Variants in KAZN observed in about 807,000 individuals in gnomAD.
The protein encoded by KAZN is kazrin, periplakin interacting protein, also known as kazrin.
Under a neutral mutation model 87.4 loss-of-function variants are expected in KAZN, and 40 were observed. That is an observed-to-expected ratio of 0.46 (90% CI 0.36 to 0.60). The LOEUF (loss-of-function observed/expected upper bound fraction) is 0.60. Among genes scored for constraint, KAZN ranks in the 20% least tolerant of loss-of-function variants. The pLI is 0.00. For missense variants in KAZN, 898 were observed against 1,073.9 expected, an observed-to-expected ratio of 0.84 and a Z score of 2.29; for synonymous variants, 466 against 458.3, an observed-to-expected ratio of 1.02 and a Z score of -0.22.
At chr1:14,874,926 A>T (rs897920757) in intron 1 of KAZN, among the ~76,000 whole-genome samples, 1 of 152,076 alleles carries the variant, frequency 6.6e-6, no homozygotes, top group Non-Finnish European at 1.5e-5. Context: ...GCTTTGCCAA[A>T]TCTCCCTTCC....
At chr1:14,182,630 G>T (rs1449207857) in intron 2 of KAZN, among the ~76,000 whole-genome samples, 13 of 152,132 alleles carry the variant, frequency 8.5e-5, no homozygotes, top group Admixed American at 8.5e-4. Context: ...CCAACGTTTT[G>T]GGGATGGCCA....
At chr1:15,058,235 C>T (rs1399652741) in intron 5 of KAZN, among the ~76,000 whole-genome samples, 1 of 152,248 alleles carries the variant, frequency 6.6e-6, no homozygotes, top group Admixed American at 6.5e-5. Context: ...GTACCACTGG[C>T]ATCCATCCCC....
chr1:15,003,149 G>T (rs528625909), intron 2 of KAZN, among the ~76,000 whole-genome samples: 1 of 152,134 alleles, frequency 6.6e-6, no homozygotes, highest in Non-Finnish European at 1.5e-5. Flanking sequence ...CTTGGGTTAC[G>T]TGGCACTCGT....
chr1:14,967,124 G>A (rs912549374), intron 2 of KAZN, among the ~76,000 whole-genome samples: 5 of 152,206 alleles, frequency 3.3e-5, no homozygotes, highest in Admixed American at 1.3e-4. Context: ...CAGAAGCTCA[G>A]GGACCTTGGA....
chr1:13,923,529 C>T (rs1214790232), intron 1 of KAZN, among the ~76,000 whole-genome samples: 11 of 145,676 alleles, frequency 7.6e-5, no homozygotes, highest in Admixed American at 2.1e-4. Context: ...GCCGAGATCG[C>T]GCCACTGCAC....
At chr1:14,852,628 G>T (rs1649598036) in intron 1 of KAZN, among the ~76,000 whole-genome samples, 3 of 152,236 alleles carry the variant, frequency 2.0e-5, no homozygotes, top group South Asian at 2.1e-4. Flanking sequence ...TGGTCTCGCA[G>T]GTACACTTGC....
chr1:14,478,249 AGAAGGAAG>A lies in KAZN; in HGVS notation c.250-120717_250-120710del, dbSNP rs141017159. On this transcript the variant is annotated intron_variant, in intron 2 of 16. Coordinates refer to the KAZN transcript ENST00000636203. Reference sequence around the variant, plus strand: ...AGAAGGAAGGAAGGAAGGAAGGAAAAGAAGGAAGGAAGGAAGGAAGGAAGAAAGGAAGG... The same window carrying A: ...AGAAGGAAGGAAGGAAGGAAGGAAAAGAAGGAAGGAAGGAAGAAAGGAAGG... 8.3e-3 allele frequency among the ~76,000 whole-genome samples: 843 copies of A among 101,506 alleles called. 5 individuals carry two copies. Among genetic ancestry groups the A allele is most frequent in the Middle Eastern group, 0.019 (4 of 206 alleles). 66.6% of individuals were successfully genotyped at this position (101,506 alleles called of 152,430 possible).
chr1:14,066,645 C>T (rs1212928138), intron 1 of KAZN, among the ~76,000 whole-genome samples: 2 of 152,162 alleles, frequency 1.3e-5, no homozygotes, highest in African/African-American at 4.8e-5. Flanking sequence ...AAGTTGCCGC[C>T]CTCTGTTGGT....
intron 2 of KAZN, among the ~76,000 whole-genome samples, chr1:14,458,842 CT>C (rs1259859788): frequency 6.6e-6 from 1 of 152,092 alleles, no homozygotes; most frequent in Non-Finnish European, 1.5e-5. Context: ...CAAAATGATA[CT>C]TTTTTTCCAT....
At chr1:14,168,113 A>G (rs1645871976) in intron 1 of KAZN, among the ~76,000 whole-genome samples, 1 of 152,174 alleles carries the variant, frequency 6.6e-6, no homozygotes, top group African/African-American at 2.4e-5. Flanking sequence ...TCCTTGTTGC[A>G]GTCTTTACCG....
chr1:14,797,153 T>C (rs55859407), intron 1 of KAZN, among the ~76,000 whole-genome samples: 6,570 of 146,472 alleles, frequency 0.045, 322 homozygotes, highest in Admixed American at 0.15. Flanking sequence ...CTCCGCCTCC[T>C]GGGTTCAAGT....
chr1:14,949,864 C>T lies in KAZN; in HGVS notation c.227-10820C>T, dbSNP rs1662272785. ...GGGGTGTGGAGCTGGGTGGGCCCATCTCCCCATGGGAACTCTGGGCAGCAA... is the reference window on the plus strand; with the variant it reads ...GGGGTGTGGAGCTGGGTGGGCCCATTTCCCCATGGGAACTCTGGGCAGCAA... On this transcript the variant is annotated intron_variant, in intron 1 of 14. Coordinates refer to ENST00000376030, the MANE Select transcript of KAZN (RefSeq NM_201628.3). The surrounding 1 kb of genome is among the most constrained non-coding windows in gnomAD (Gnocchi z 4.3). Among the ~76,000 whole-genome samples, 1 of 149,394 alleles carries T rather than the reference C, an allele frequency of 6.7e-6. No individual in the cohort carries two copies. The highest frequency in any genetic ancestry group is 6.6e-5 in the Admixed American group (1 of 15,086).
intron 1 of KAZN, among the ~76,000 whole-genome samples, chr1:14,093,708 C>T (rs1243211779): frequency 2.0e-5 from 3 of 152,060 alleles, no homozygotes; most frequent in Non-Finnish European, 4.4e-5. Flanking sequence ...GAAGAAAAGC[C>T]ATAACCAATT....
intron 2 of KAZN, among the ~76,000 whole-genome samples, chr1:14,205,897 A>AAAAAAAAAAAAAAAAAG: frequency 1.6e-5 from 1 of 61,418 alleles, no homozygotes. Context: ...AAAAAAAAAA[A>AAAAAAAAAAAAAAAAAG]AAAAAAAAAG....
At chr1:14,477,841 G>A (rs1351358856) in intron 2 of KAZN, among the ~76,000 whole-genome samples, 2 of 152,200 alleles carry the variant, frequency 1.3e-5, no homozygotes, top group African/African-American at 4.8e-5. Flanking sequence ...TTAGAAAGAG[G>A]AGATGAATGG....
At position 14,966,107 on chromosome 1, in the gene KAZN, G is replaced by C. The variant is rs142659445; in HGVS notation, c.418+5232G>C. 3.2e-3 allele frequency among the ~76,000 whole-genome samples: 479 copies of C among 151,034 alleles called. 3 individuals are homozygous for C. The highest frequency in any genetic ancestry group is 0.017 in the Middle Eastern group (5 of 294). On this transcript the variant is annotated intron_variant, in intron 2 of 14. Coordinates refer to ENST00000376030, the MANE Select transcript of KAZN (RefSeq NM_201628.3). ...TGATTCTCGTGCCTCAGCCTCCCAA[G>C]TAGCTGGGATTACAGGCACGCGCCA...
In KAZN at chr1:14,155,256, C is replaced by T. The variant is rs575037765; in HGVS notation, c.92-25179C>T. Reference sequence around the variant, plus strand: ...GTTTTGGGTTTCATCATGGTTCAATCTTGGTAGGTTGTATGTGTCTAGGAA... The same window carrying T: ...GTTTTGGGTTTCATCATGGTTCAATTTTGGTAGGTTGTATGTGTCTAGGAA... On this transcript the variant is annotated intron_variant, in intron 1 of 16. Coordinates refer to the KAZN transcript ENST00000636203. 2.0e-5 allele frequency among the ~76,000 whole-genome samples: 3 copies of T among 152,230 alleles called. No homozygotes were observed. In the South Asian group the frequency reaches 6.2e-4, roughly 32 times the overall value.
intron 7 of KAZN, among the ~76,000 whole-genome samples, chr1:15,065,366 C>T (rs1017524327): frequency 3.3e-5 from 5 of 152,170 alleles, no homozygotes; most frequent in South Asian, 2.1e-4. Context: ...GCAACATCCT[C>T]GTGGCAATCT....
intron 1 of KAZN, among the ~76,000 whole-genome samples, chr1:14,110,364 A>G (rs542937062): frequency 6.6e-6 from 1 of 152,310 alleles, no homozygotes; most frequent in Non-Finnish European, 1.5e-5. Flanking sequence ...CCCACTTGCA[A>G]TGCAATTTTG....
Sources: allele counts gnomAD v4.1 joint callset (sites outside exome capture counted in the v4.1 genomes callset), GRCh38; gene constraint gnomAD v4.1.1; non-coding constraint Gnocchi (gnomAD v3.1); transcripts MANE v1.5; gene names NCBI Gene and HGNC (gene_info 2026-07-23, HGNC 2026-07-21).